CDH18: variants seen among roughly 807,000 people sequenced by gnomAD.
CDH18 encodes cadherin-18.
In CDH18, 31 loss-of-function variants were observed where a neutral mutation model predicts 67.9. The ratio of observed to expected loss-of-function variants is 0.46; its 90% CI spans 0.34 to 0.62. The LOEUF (loss-of-function observed/expected upper bound fraction) is 0.62, where lower values mean the gene tolerates loss of function less well. CDH18 is among the 20% of genes least tolerant of loss of function. CDH18 has a pLI of 0.01. For synonymous variants in CDH18, 362 were observed against 347.2 expected, an observed-to-expected ratio of 1.04 and a Z score of -0.48; for missense variants, 890 against 975.5, an observed-to-expected ratio of 0.91 and a Z score of 1.17.
chr5:20,236,465 G>C (rs1478847208), intron 2 of CDH18, among the ~76,000 whole-genome samples: 2 of 151,634 alleles, frequency 1.3e-5, no homozygotes, highest in Non-Finnish European at 2.9e-5. Context: ...TATTGATATG[G>C]GGAAAAAAGA....
chr5:20,528,461 G>A (rs1756202319), intron 1 of CDH18, among the ~76,000 whole-genome samples: 1 of 151,904 alleles, frequency 6.6e-6, no homozygotes, highest in South Asian at 2.1e-4. Context: ...TTTTATCTCG[G>A]CACCACATGA....
At chr5:20,391,715 C>A (rs1193301012) in intron 1 of CDH18, among the ~76,000 whole-genome samples, 3 of 151,992 alleles carry the variant, frequency 2.0e-5, no homozygotes, top group African/African-American at 7.2e-5. Context: ...ACAATTTGGT[C>A]TCTGACATTG....
At chr5:20,104,051 T>C (rs1240168147) in intron 2 of CDH18, among the ~76,000 whole-genome samples, 1 of 150,764 alleles carries the variant, frequency 6.6e-6, no homozygotes, top group East Asian at 1.9e-4. Flanking sequence ...CTATAGATGG[T>C]TATCTATTTA....
chr5:19,735,046 C>G lies in CDH18; in HGVS notation c.523+11896G>C, dbSNP rs576043328. Reference sequence around the variant, plus strand: ...AGGCAAATGCTGCTGAGTCACTACCCTCCATAACACAGGTGAGTGTTTGCA... The same window carrying G: ...AGGCAAATGCTGCTGAGTCACTACCGTCCATAACACAGGTGAGTGTTTGCA... On this transcript the variant is annotated intron_variant, in intron 4 of 12. Coordinates refer to ENST00000382275, the MANE Select transcript of CDH18 (RefSeq NM_004934.5). Among the ~76,000 whole-genome samples the G allele has an allele frequency of 2.4e-4, 37 of 152,202 alleles. No individual in the cohort carries two copies. In the South Asian group the frequency reaches 6.6e-3, roughly 27 times the overall value.
intron 2 of CDH18, among the ~76,000 whole-genome samples, chr5:20,208,846 A>G (rs778316160): frequency 4.6e-5 from 7 of 152,136 alleles, no homozygotes; most frequent in Non-Finnish European, 1.0e-4. Context: ...AATAACCAGA[A>G]TATATAAAGA....
At chr5:20,368,729 A>G (rs1199058536) in intron 1 of CDH18, among the ~76,000 whole-genome samples, 2 of 152,186 alleles carry the variant, frequency 1.3e-5, no homozygotes, top group African/African-American at 2.4e-5. Context: ...CAGTACTGGC[A>G]TTAGAGCACA....
intron 2 of CDH18, among the ~76,000 whole-genome samples, chr5:20,078,297 C>T (rs1190785706): frequency 6.6e-6 from 1 of 151,706 alleles, no homozygotes; most frequent in Non-Finnish European, 1.5e-5. Context: ...CCTGTCTCTA[C>T]TAAAAATACA....
intron 1 of CDH18, among the ~76,000 whole-genome samples, chr5:20,290,408 T>C (rs1440292929): frequency 6.6e-6 from 1 of 152,086 alleles, no homozygotes; most frequent in Non-Finnish European, 1.5e-5. Flanking sequence ...GTGGGGAAGA[T>C]CAGAGATGGC....
At position 20,184,609 on chromosome 5, in the gene CDH18, T is replaced by C. The variant is rs564000779; in HGVS notation, c.-518+70835A>G. 4.6e-5 allele frequency among the ~76,000 whole-genome samples: 7 copies of C among 152,250 alleles called. No individual in the cohort carries two copies. The South Asian group carries it at 6.2e-4, about 14-fold the overall frequency. On this transcript the variant is annotated intron_variant, in intron 2 of 14. Transcript: ENST00000507958. ...AGCAACTCACACCACAGGGTGATTC[T>C]GTTAGGGTTGAACTGAAGTTAAATA...
At chr5:20,512,261 CTA>C (rs1755084086) in intron 1 of CDH18, among the ~76,000 whole-genome samples, 1 of 152,126 alleles carries the variant, frequency 6.6e-6, no homozygotes, top group South Asian at 2.1e-4. Flanking sequence ...TTTTGTGTAT[CTA>C]TTTTTCTGAA....
chr5:20,477,653 G>A (rs1341726305), intron 1 of CDH18, among the ~76,000 whole-genome samples: 2 of 152,176 alleles, frequency 1.3e-5, no homozygotes, highest in Admixed American at 6.5e-5. Context: ...TAGCCCCAAC[G>A]CCATGGGCTA....
chr5:20,419,769 G>A (rs928827980), intron 1 of CDH18, among the ~76,000 whole-genome samples: 2 of 150,832 alleles, frequency 1.3e-5, no homozygotes, highest in African/African-American at 2.5e-5. Flanking sequence ...GAGCCGCCGC[G>A]CCTGTCCCTG....
chr5:19,911,420 T>C lies in CDH18; in HGVS notation c.-257+69640A>G, dbSNP rs150566269. Among the ~76,000 whole-genome samples the C allele has an allele frequency of 2.6e-5, 4 of 152,118 alleles. No individual in the cohort carries two copies. In the East Asian group the frequency reaches 7.8e-4, roughly 30 times the overall value. On this transcript the variant is annotated intron_variant, in intron 2 of 12. Transcript: ENST00000382275. ...TTAGGAGATAATATCTGTTATGCACTGAAAGGTCATGTGCTATCCACACAC... is the reference window on the plus strand; with the variant it reads ...TTAGGAGATAATATCTGTTATGCACCGAAAGGTCATGTGCTATCCACACAC...
At chr5:20,275,267 G>T (rs1022213902) in intron 1 of CDH18, among the ~76,000 whole-genome samples, 2 of 151,988 alleles carry the variant, frequency 1.3e-5, no homozygotes, top group Non-Finnish European at 2.9e-5. Context: ...TCTTGTGATA[G>T]TGAGTGAGTT....
At chr5:20,193,781 C>T (rs748701811) in intron 2 of CDH18, among the ~76,000 whole-genome samples, 8 of 152,054 alleles carry the variant, frequency 5.3e-5, no homozygotes, top group Non-Finnish European at 1.0e-4. Context: ...TCCTGGGATG[C>T]GAGGCTGGTT....
At chr5:19,653,983 T>C (rs1280387269) in intron 5 of CDH18, among the ~76,000 whole-genome samples, 1 of 152,154 alleles carries the variant, frequency 6.6e-6, no homozygotes, top group Non-Finnish European at 1.5e-5. Context: ...GAGTGTGACT[T>C]GTTAATGTTT....
intron 2 of CDH18, among the ~76,000 whole-genome samples, chr5:20,116,635 ATTTACTTCTT>A (rs1747937944): frequency 6.6e-6 from 1 of 152,178 alleles, no homozygotes; most frequent in Admixed American, 6.5e-5. Flanking sequence ...TATCATTCCA[ATTTACTTCTT>A]TTCTAATATT....
At chr5:20,381,026 A>C (rs1743867323) in intron 1 of CDH18, among the ~76,000 whole-genome samples, 2 of 152,140 alleles carry the variant, frequency 1.3e-5, no homozygotes, top group Non-Finnish European at 2.9e-5. Context: ...GGTGATCCCT[A>C]ATCCAGCCTC....
intron 2 of CDH18, among the ~76,000 whole-genome samples, chr5:19,944,744 A>C (rs976411587): frequency 6.6e-6 from 1 of 152,134 alleles, no homozygotes; most frequent in Non-Finnish European, 1.5e-5. Flanking sequence ...GTATAGATTC[A>C]CTTTTTTTGG....
Sources: allele counts gnomAD v4.1 joint callset (sites outside exome capture counted in the v4.1 genomes callset), GRCh38; gene constraint gnomAD v4.1.1; transcripts MANE v1.5; gene names NCBI Gene and HGNC (gene_info 2026-07-23, HGNC 2026-07-21).